TLN2: variants seen among roughly 807,000 people sequenced by gnomAD.
TLN2 encodes talin 2.
TLN2 carries 118 observed loss-of-function variants against 294.7 expected under a neutral mutation model. That is an observed-to-expected ratio of 0.40 (90% confidence interval 0.34 to 0.47). TLN2 has a LOEUF of 0.47. Among genes scored for constraint, TLN2 ranks in the 20% least tolerant of loss-of-function variants. The probability of loss-of-function intolerance (pLI) is 0.84; values close to 1 mark genes in which losing one functional copy is unlikely to be tolerated. For missense variants in TLN2, 3,083 were observed against 3,282.2 expected (o/e 0.94, Z 1.48); for synonymous variants, 1,431 against 1,304.5 (o/e 1.10, Z -2.09).
chr15:62,619,103 G>A (rs548175816), intron 3 of TLN2, among the ~76,000 whole-genome samples: 1 of 151,532 alleles, frequency 6.6e-6, no homozygotes, highest in African/African-American at 2.4e-5. Context: ...TTTTTTAACT[G>A]AGCATAGCAA....
Position 62,716,541 on chromosome 15 carries a change from G to A in TLN2, c.2763+82G>A, listed in dbSNP as rs904420129. 10 of 1,480,256 alleles carry A rather than the reference G, an allele frequency of 6.8e-6. No individual in the cohort carries two copies. In the African/African-American group the frequency reaches 1.1e-4, roughly 17 times the overall value. The allele number at this position is 1,480,256 out of a possible 1,614,324, so 91.7% of individuals were successfully genotyped here. On this transcript the variant is annotated intron_variant, in intron 23 of 58. Coordinates refer to ENST00000636159, the MANE Select transcript of TLN2 (RefSeq NM_015059.3). The stretch of plus-strand genomic sequence containing the variant: ...GAAAAGATAGTTGAATTAACAAGGT[G>A]TTGACAATATAAAGAAAGCCAAGTC...
At chr15:62,569,000 G>T (rs1232308849) in intron 1 of TLN2, among the ~76,000 whole-genome samples, 1 of 152,168 alleles carries the variant, frequency 6.6e-6, no homozygotes. Flanking sequence ...GTCGGGCCAT[G>T]CTCCCTCCAA....
At chr15:62,562,961 CA>C (rs1567104872) in intron 1 of TLN2, among the ~76,000 whole-genome samples, 2 of 134,818 alleles carry the variant, frequency 1.5e-5, no homozygotes, top group East Asian at 2.1e-4. Context: ...CACACACACA[CA>C]CACACACACC....
At position 62,736,997 on chromosome 15, in the gene TLN2, G is replaced by T; in HGVS notation, c.3478G>T (p.Val1160Leu). 2 of 1,614,220 alleles carry T rather than the reference G, an allele frequency of 1.2e-6. No individual in the cohort carries two copies. The highest frequency in any genetic ancestry group is 8.5e-7 in the Non-Finnish European group (1 of 1,180,034). ...AHAMLDSARD[V>L]MEGSAMLIQE... ...TGCCATGTTAGATTCTGCTCGAGAC[G>T]TGATGGAGGGCTCCGCCATGCTCAT... Residue 1160 changes from valine (V) to leucine (L), a missense_variant, in exon 29 of 59, where the codon GTG becomes TTG. By Grantham distance (32) the Val-to-Leu change is conservative. Transcript: ENST00000636159.
At chr15:62,804,696 G>A (rs1596058141) in intron 50 of TLN2, among the ~76,000 whole-genome samples, 1 of 152,288 alleles carries the variant, frequency 6.6e-6, no homozygotes, top group East Asian at 1.9e-4. Context: ...GGGGATTTGG[G>A]GTCCTGGACT....
At chr15:62,664,687 T>C (rs1212782870) in intron 9 of TLN2, among the ~76,000 whole-genome samples, 1 of 151,514 alleles carries the variant, frequency 6.6e-6, no homozygotes, top group Non-Finnish European at 1.5e-5. Flanking sequence ...GGAGAAACCC[T>C]GTCTCTACTA....
intron 26 of TLN2, 43 bp from the exon 27 acceptor site, chr15:62,724,933 T>C: frequency 2.5e-6 from 4 of 1,576,756 alleles, no homozygotes; most frequent in South Asian, 1.2e-5. Flanking sequence ...GGGACACTTT[T>C]CCCAAGCAGA....
At chr15:62,449,176 C>T (rs1050036681) in intron 1 of TLN2, among the ~76,000 whole-genome samples, 7 of 152,106 alleles carry the variant, frequency 4.6e-5, no homozygotes, top group Middle Eastern at 3.2e-3. Context: ...GAAGCCCTGG[C>T]GATGCAGCAA....
chr15:62,451,572 G>A (rs1031308318), intron 1 of TLN2, among the ~76,000 whole-genome samples: 2 of 152,174 alleles, frequency 1.3e-5, no homozygotes, highest in African/African-American at 2.4e-5. Flanking sequence ...CAGGAGGAAC[G>A]CTTAAACCCA....
chr15:62,838,036 A>C (rs189714301), intron 57 of TLN2: 3 of 152,372 alleles, frequency 2.0e-5, no homozygotes, highest in Non-Finnish European at 4.4e-5. Flanking sequence ...ATGTTTCATG[A>C]GCATTAAAAA....
chr15:62,815,891 C>CCTGT (rs1476519692), intron 52 of TLN2, among the ~76,000 whole-genome samples: 6 of 152,212 alleles, frequency 3.9e-5, no homozygotes, highest in African/African-American at 1.4e-4. Flanking sequence ...TCTCTCTTTG[C>CCTGT]CTGTGTTACA....
At chr15:62,809,111 A>G (rs1053816934) in intron 51 of TLN2, among the ~76,000 whole-genome samples, 31 of 152,202 alleles carry the variant, frequency 2.0e-4, no homozygotes, top group African/African-American at 7.2e-4. Context: ...AGGAAGGGGT[A>G]GGGTTGCTAG....
intron 24 of TLN2, among the ~76,000 whole-genome samples, chr15:62,719,107 G>A (rs1440462348): frequency 6.6e-6 from 1 of 152,136 alleles, no homozygotes; most frequent in Non-Finnish European, 1.5e-5. Context: ...AGGAGGTGCG[G>A]GCACAGAAAG....
intron 1 of TLN2, among the ~76,000 whole-genome samples, chr15:62,468,110 A>C (rs1202102899): frequency 1.3e-5 from 2 of 150,608 alleles, no homozygotes; most frequent in African/African-American, 5.0e-5. Flanking sequence ...GGCTTAAATA[A>C]ATTTAATTTA....
chr15:62,478,570 G>A (rs200769372), intron 1 of TLN2, among the ~76,000 whole-genome samples: 3 of 152,070 alleles, frequency 2.0e-5, no homozygotes, highest in East Asian at 1.9e-4. Context: ...AGGCTCAACC[G>A]GAACAGCTCT....
At chr15:62,689,559 T>C (rs1249412268) in intron 12 of TLN2, among the ~76,000 whole-genome samples, 1 of 152,140 alleles carries the variant, frequency 6.6e-6, no homozygotes, top group African/African-American at 2.4e-5. Context: ...TTGTTAAGGG[T>C]ACATCTGCTA....
chr15:62,482,924 T>G (rs954193557), intron 1 of TLN2, among the ~76,000 whole-genome samples: 3 of 152,166 alleles, frequency 2.0e-5, no homozygotes, highest in African/African-American at 7.2e-5. Context: ...TCTTGTTGTA[T>G]CCACAGTGCT....
intron 1 of TLN2, among the ~76,000 whole-genome samples, chr15:62,396,393 A>G (rs1277699856): frequency 1.3e-5 from 2 of 152,226 alleles, no homozygotes; most frequent in Non-Finnish European, 2.9e-5. Context: ...TATCACGCTT[A>G]CTTTCTCTGA....
intron 2 of TLN2, among the ~76,000 whole-genome samples, chr15:62,610,376 C>G (rs1353216947): frequency 6.6e-6 from 1 of 152,118 alleles, no homozygotes; most frequent in Admixed American, 6.6e-5. Context: ...CAGTACATAA[C>G]CTTGTTTTAT....
Sources: gnomAD v4.1 joint callset for allele counts (sites outside exome capture counted in the v4.1 genomes callset) on GRCh38, gnomAD v4.1.1 for gene constraint, MANE v1.5 for transcripts, NCBI Gene and HGNC (gene_info 2026-07-23, HGNC 2026-07-21) for gene names.